TAFA2: variants seen among roughly 807,000 people sequenced by gnomAD.
The protein encoded by TAFA2 is TAFA chemokine like family member 2.
A neutral mutation model predicts 18.8 loss-of-function variants in TAFA2; 7 were observed. The ratio of observed to expected loss-of-function variants is 0.37; its 90% CI spans 0.21 to 0.70. The LOEUF (loss-of-function observed/expected upper bound fraction) is 0.70. Among genes scored for constraint, TAFA2 ranks in the 30% least tolerant of loss-of-function variants. The pLI is 0.53. For missense variants in TAFA2, 122 were observed against 158.1 expected (o/e 0.77, Z 1.23); for synonymous variants, 60 against 54.2 (o/e 1.11, Z -0.47).
At chr12:61,965,868 A>G (rs183681958) in intron 1 of TAFA2, among the ~76,000 whole-genome samples, 5 of 151,950 alleles carry the variant, frequency 3.3e-5, no homozygotes, top group Admixed American at 1.3e-4. Context: ...AATACACTCA[A>G]TTGCATTCAG....
intron 1 of TAFA2, among the ~76,000 whole-genome samples, chr12:61,874,895 T>C (rs1874776169): frequency 1.3e-5 from 2 of 149,050 alleles, no homozygotes; most frequent in Non-Finnish European, 3.0e-5. Context: ...ATGTTGTCTA[T>C]TTTTTTTTTC....
intron 1 of TAFA2, among the ~76,000 whole-genome samples, chr12:62,077,512 A>T (rs1315074849): frequency 3.9e-5 from 6 of 152,224 alleles, no homozygotes; most frequent in Non-Finnish European, 8.8e-5. Context: ...ATCAGCATCA[A>T]GTGTGGCCAA....
intron 1 of TAFA2, among the ~76,000 whole-genome samples, chr12:62,162,866 C>T (rs964824268): frequency 6.6e-5 from 10 of 151,854 alleles, no homozygotes; most frequent in African/African-American, 2.4e-4. Flanking sequence ...AAAAAGTGGT[C>T]AGCTTCTGCT....
chr12:61,900,218 T>C lies in TAFA2; in HGVS notation c.-1-32792A>G, dbSNP rs185645051. 4.6e-5 allele frequency among the ~76,000 whole-genome samples: 7 copies of C among 152,346 alleles called. No individual in the cohort carries two copies. The East Asian group carries it at 1.3e-3, about 29-fold the overall frequency. On this transcript the variant is annotated intron_variant, in intron 1 of 4. Transcript: ENST00000416284. ...TGTGTAAGAGTTTTTCTAGGACTTA[T>C]GCATGAGAAAAAATTATTGGTCATA...
At chr12:62,096,829 T>G (rs1444253) in intron 1 of TAFA2, among the ~76,000 whole-genome samples, 8,234 of 152,168 alleles carry the variant, frequency 0.054, 334 homozygotes, top group Non-Finnish European at 0.083. Flanking sequence ...CAGGCCTCTG[T>G]AATGTCACAC....
intron 1 of TAFA2, among the ~76,000 whole-genome samples, chr12:62,117,461 G>A (rs1371384068): frequency 6.6e-6 from 1 of 152,090 alleles, no homozygotes; most frequent in Non-Finnish European, 1.5e-5. Context: ...ATTTAGATCT[G>A]AAATTCCACA....
At chr12:61,994,522 G>T (rs954246766) in intron 1 of TAFA2, among the ~76,000 whole-genome samples, 7 of 152,016 alleles carry the variant, frequency 4.6e-5, no homozygotes, top group Non-Finnish European at 5.9e-5. Context: ...ATTTAATTCT[G>T]TTCCTCATAG....
intron 1 of TAFA2, among the ~76,000 whole-genome samples, chr12:62,016,536 A>G (rs1261478015): frequency 5.3e-5 from 8 of 152,208 alleles, no homozygotes; most frequent in Non-Finnish European, 1.2e-4. Context: ...GAACACTCCA[A>G]CTGCCCTCAG....
intron 1 of TAFA2, among the ~76,000 whole-genome samples, chr12:62,001,849 G>A (rs1468509934): frequency 2.0e-5 from 3 of 152,142 alleles, no homozygotes; most frequent in Admixed American, 2.0e-4. Context: ...TAAACATACA[G>A]ATGAAAATAA....
At chr12:61,843,505 G>A (rs1873276087) in intron 2 of TAFA2, among the ~76,000 whole-genome samples, 1 of 151,994 alleles carries the variant, frequency 6.6e-6, no homozygotes, top group Non-Finnish European at 1.5e-5. Flanking sequence ...GTTTTCAAAG[G>A]GTCATAATGG....
At chr12:62,193,270 T>C (rs964391417), upstream of TAFA2, among the ~76,000 whole-genome samples, 8 of 152,294 alleles carry the variant, frequency 5.3e-5, no homozygotes, top group African/African-American at 1.9e-4. Context: ...AGAAAGGGAA[T>C]GCTGACCCAG....
chr12:62,205,950 C>T (rs1453219437), intron 1 of TAFA2, among the ~76,000 whole-genome samples: 6 of 152,182 alleles, frequency 3.9e-5, no homozygotes, highest in African/African-American at 9.7e-5. Flanking sequence ...CACTCACTGA[C>T]TCCCTTGGTT....
intron 1 of TAFA2, among the ~76,000 whole-genome samples, chr12:62,130,550 C>CTTA (rs1870640437): frequency 1.3e-5 from 2 of 151,886 alleles, no homozygotes; most frequent in Admixed American, 1.3e-4. Context: ...ATTAGTGTTC[C>CTTA]TTATTATTTC....
chr12:61,967,243 G>A (rs1879098897), intron 1 of TAFA2, among the ~76,000 whole-genome samples: 1 of 151,792 alleles, frequency 6.6e-6, no homozygotes, highest in African/African-American at 2.4e-5. Flanking sequence ...TTCATCACCT[G>A]CTAAATGTAA....
intron 1 of TAFA2, among the ~76,000 whole-genome samples, chr12:62,062,510 G>A (rs1299424229): frequency 6.6e-6 from 1 of 152,136 alleles, no homozygotes; most frequent in Admixed American, 6.5e-5. Flanking sequence ...CCACTCTGAG[G>A]TTATATCTAA....
In TAFA2 at chr12:62,043,543, A is replaced by G. The variant is rs180859196; in HGVS notation, c.-2+147716T>C. 6.3e-3 allele frequency among the ~76,000 whole-genome samples: 958 copies of G among 152,266 alleles called. 4 individuals carry two copies. The highest frequency in any genetic ancestry group is 0.02 in the Middle Eastern group (6 of 294). ...GCGAGTTAATGGGTGCAGCACACCA[A>G]CATGGCACATGTATACATATGTAAC... On this transcript the variant is annotated intron_variant, in intron 1 of 4. Transcript: ENST00000416284.
intron 1 of TAFA2, among the ~76,000 whole-genome samples, chr12:61,982,308 A>T (rs1249208927): frequency 6.6e-6 from 1 of 152,056 alleles, no homozygotes; most frequent in East Asian, 1.9e-4. Flanking sequence ...GGTCTGGGGG[A>T]GAGATAGCAT....
chr12:62,029,323 A>C (rs348693), intron 1 of TAFA2, among the ~76,000 whole-genome samples: 121,665 of 152,074 alleles, frequency 0.8, 48,996 homozygotes, highest in Middle Eastern at 0.87. Flanking sequence ...GACAGATTTA[A>C]CTACATGTTA....
upstream of TAFA2, among the ~76,000 whole-genome samples, chr12:62,195,258 G>A (rs2062644385): frequency 6.6e-6 from 1 of 152,076 alleles, no homozygotes; most frequent in South Asian, 2.1e-4. Context: ...TATCAGTCAG[G>A]TTTATAAAAT....
Sources: allele counts gnomAD v4.1 joint callset (sites outside exome capture counted in the v4.1 genomes callset), GRCh38; gene constraint gnomAD v4.1.1; transcripts MANE v1.5; gene names NCBI Gene and HGNC (gene_info 2026-07-23, HGNC 2026-07-21).